The following RBFOX1 variants were observed in gnomAD, a reference collection of about 807,000 sequenced individuals.
The protein encoded by RBFOX1 is RNA binding protein fox-1 homolog 1.
Under a neutral mutation model 57.7 loss-of-function variants are expected in RBFOX1, and 8 were observed. The ratio of observed to expected loss-of-function variants is 0.14; its 90% CI spans 0.08 to 0.25. The LOEUF is 0.25. RBFOX1 is among the 10% of genes least tolerant of loss of function. The probability of loss-of-function intolerance (pLI) is 1.00; values close to 1 mark genes in which losing one functional copy is unlikely to be tolerated. For missense variants in RBFOX1, 611 were observed against 548.5 expected (o/e 1.11, Z -1.14); for synonymous variants, 326 against 222.4 (o/e 1.47, Z -4.15).
chr16:6,586,721 G>C (rs560672424), intron 2 of RBFOX1, among the ~76,000 whole-genome samples: 1 of 152,100 alleles, frequency 6.6e-6, no homozygotes, highest in Non-Finnish European at 1.5e-5. Flanking sequence ...GGAGCCTGAC[G>C]GCAAAGAGAA....
In RBFOX1 at chr16:5,487,214, G is replaced by T. The variant is rs114124399; in HGVS notation, c.258+19960G>T. On this transcript the variant is annotated intron_variant, in intron 2 of 2. Transcript: ENST00000585867. ...TATAGGTGTCACTACATAATTATCT[G>T]GCTATTGTCCAAGTGCCCTACTGGA... Among the ~76,000 whole-genome samples, 1,213 of 152,246 alleles carry T rather than the reference G, an allele frequency of 8.0e-3. 19 individuals are homozygous for T. The highest frequency in any genetic ancestry group is 0.028 in the African/African-American group (1,158 of 41,546).
chr16:6,229,357 C>G (rs964304909), intron 1 of RBFOX1, among the ~76,000 whole-genome samples: 2 of 152,236 alleles, frequency 1.3e-5, no homozygotes, highest in Admixed American at 6.5e-5. Flanking sequence ...AACTAGATCT[C>G]TCCTGCCACT....
intron 3 of RBFOX1, among the ~76,000 whole-genome samples, chr16:7,007,375 C>G (rs1232462533): frequency 1.3e-5 from 2 of 152,148 alleles, no homozygotes; most frequent in Non-Finnish European, 2.9e-5. Context: ...TGGAGAAAGT[C>G]TTGTGTTTTA....
intron 1 of RBFOX1, among the ~76,000 whole-genome samples, chr16:6,288,503 A>G (rs1051394980): frequency 2.6e-5 from 4 of 152,314 alleles, no homozygotes; most frequent in Admixed American, 2.0e-4. Context: ...TTGTACATAC[A>G]TGATTTTGTG....
intron 2 of RBFOX1, among the ~76,000 whole-genome samples, chr16:6,475,544 A>G (rs1051492766): frequency 3.3e-5 from 5 of 152,226 alleles, no homozygotes; most frequent in Non-Finnish European, 5.9e-5. Context: ...AGCAACCAAT[A>G]TAGAGCTAAT....
intron 2 of RBFOX1, among the ~76,000 whole-genome samples, chr16:5,520,892 A>G (rs1003248805): frequency 2.1e-4 from 32 of 152,276 alleles, no homozygotes; most frequent in African/African-American, 7.7e-4. Flanking sequence ...AATTGCCCAC[A>G]TGGGGTCTGC....
At chr16:7,345,145 T>A (rs1457982852) in intron 4 of RBFOX1, among the ~76,000 whole-genome samples, 1 of 152,186 alleles carries the variant, frequency 6.6e-6, no homozygotes, top group Non-Finnish European at 1.5e-5. Flanking sequence ...TGTTTTCCGT[T>A]TAAACACAAA....
chr16:7,635,511 G>A (rs746076280), intron 11 of RBFOX1, among the ~76,000 whole-genome samples: 2 of 151,492 alleles, frequency 1.3e-5, no homozygotes, highest in Non-Finnish European at 2.9e-5. Context: ...TGGACGCCCA[G>A]TATCTTTCTA....
chr16:6,860,850 T>A (rs753943058), intron 3 of RBFOX1, among the ~76,000 whole-genome samples: 5 of 152,202 alleles, frequency 3.3e-5, no homozygotes, highest in African/African-American at 1.2e-4. Flanking sequence ...GTAAAATGTT[T>A]TCAAAAATAT....
At chr16:5,846,961 G>C (rs1321557397) in intron 3 of RBFOX1, among the ~76,000 whole-genome samples, 2 of 152,302 alleles carry the variant, frequency 1.3e-5, no homozygotes, top group African/African-American at 4.8e-5. Context: ...GCACAGTGCT[G>C]CTCTGACAGA....
At chr16:6,753,814 T>A (rs148237580) in intron 3 of RBFOX1, among the ~76,000 whole-genome samples, 1 of 152,206 alleles carries the variant, frequency 6.6e-6, no homozygotes, top group East Asian at 1.9e-4. Context: ...CTGCTCTACA[T>A]TGATTGAGTT....
rs558769774 is a variant in RBFOX1, at chr16:5,969,646, T to C, written c.351+102311T>C. On this transcript the variant is annotated intron_variant, in intron 4 of 19. Coordinates refer to the RBFOX1 transcript ENST00000641259. Reference sequence around the variant, plus strand: ...CTTTGTTGTTCATTTTTAAGTGATATTATATTTCATAAAATCTTAGGTAGC... The same window carrying C: ...CTTTGTTGTTCATTTTTAAGTGATACTATATTTCATAAAATCTTAGGTAGC... Among the ~76,000 whole-genome samples, 19 of 152,124 alleles carry C rather than the reference T, an allele frequency of 1.2e-4. 1 individual carries two copies. The highest frequency in any genetic ancestry group is 2.0e-4 in the Admixed American group (3 of 15,268).
chr16:7,420,964 T>C (rs1368116559), intron 4 of RBFOX1, among the ~76,000 whole-genome samples: 1 of 146,748 alleles, frequency 6.8e-6, no homozygotes, highest in African/African-American at 2.5e-5. Context: ...CACACACATA[T>C]ATATATATAT....
intron 4 of RBFOX1, among the ~76,000 whole-genome samples, chr16:7,327,936 A>C (rs1027965428): frequency 5.3e-5 from 8 of 152,020 alleles, no homozygotes; most frequent in Admixed American, 1.3e-4. Flanking sequence ...ATGAGGCAGG[A>C]GTTGGTCTTC....
intron 4 of RBFOX1, among the ~76,000 whole-genome samples, chr16:7,372,655 C>G (rs369489327): frequency 1.3e-5 from 2 of 151,900 alleles, no homozygotes; most frequent in Non-Finnish European, 2.9e-5. Context: ...GCCTGTGTCC[C>G]CAGTATTCTT....
intron 3 of RBFOX1, among the ~76,000 whole-genome samples, chr16:5,731,758 G>C (rs187982391): frequency 6.6e-6 from 1 of 152,188 alleles, no homozygotes; most frequent in Non-Finnish European, 1.5e-5. Context: ...CGGTTGAACT[G>C]TTGAGGTCAT....
At chr16:5,817,939 C>G (rs560003539) in intron 3 of RBFOX1, among the ~76,000 whole-genome samples, 2 of 151,878 alleles carry the variant, frequency 1.3e-5, no homozygotes, top group Non-Finnish European at 2.9e-5. Flanking sequence ...TTCTACCCAC[C>G]TCGGCCTCCA....
chr16:5,505,272 A>G (rs1453296391), intron 2 of RBFOX1, among the ~76,000 whole-genome samples: 1 of 152,162 alleles, frequency 6.6e-6, no homozygotes, highest in Non-Finnish European at 1.5e-5. Flanking sequence ...GGGCGTTGGG[A>G]TAACCCTGAA....
intron 2 of RBFOX1, among the ~76,000 whole-genome samples, chr16:6,581,985 G>C (rs545290279): frequency 2.0e-5 from 3 of 152,290 alleles, no homozygotes; most frequent in East Asian, 3.9e-4. Flanking sequence ...TTTGGTTGTT[G>C]CAGTTGAAGG....
Sources: allele counts gnomAD v4.1 joint callset (sites outside exome capture counted in the v4.1 genomes callset), GRCh38; gene constraint gnomAD v4.1.1; transcripts MANE v1.5; gene names NCBI Gene and HGNC (gene_info 2026-07-23, HGNC 2026-07-21).